PREX2: variants seen among roughly 807,000 people sequenced by gnomAD.
PREX2 encodes the protein phosphatidylinositol 3,4,5-trisphosphate-dependent Rac exchanger 2 protein.
A neutral mutation model predicts 203.2 loss-of-function variants in PREX2; 107 were observed. The ratio of observed to expected loss-of-function variants is 0.53; its 90% CI spans 0.45 to 0.62. The LOEUF (loss-of-function observed/expected upper bound fraction) is 0.62, where lower values mean the gene tolerates loss of function less well. Among genes scored for constraint, PREX2 ranks in the 20% least tolerant of loss-of-function variants. The probability of loss-of-function intolerance (pLI) is 0.00; values close to 1 mark genes in which losing one functional copy is unlikely to be tolerated. For synonymous variants in PREX2, 672 were observed against 663.6 expected (o/e 1.01, Z -0.19); for missense variants, 1,777 against 1,955.9 (o/e 0.91, Z 1.72).
intron 18 of PREX2, among the ~76,000 whole-genome samples, chr8:68,084,743 TAGG>T (rs1401119822): frequency 3.3e-5 from 5 of 152,294 alleles, no homozygotes; most frequent in Admixed American, 2.6e-4. Flanking sequence ...CAACTCTGTC[TAGG>T]AGAAGACTGT....
At chr8:68,090,941 A>T (rs950831824) in intron 20 of PREX2, among the ~76,000 whole-genome samples, 14 of 152,350 alleles carry the variant, frequency 9.2e-5, no homozygotes, top group African/African-American at 2.9e-4. Context: ...CTGTTTAAAA[A>T]GTGATCTGGG....
intron 37 of PREX2, among the ~76,000 whole-genome samples, chr8:68,207,035 A>C (rs942037764): frequency 1.3e-5 from 2 of 152,218 alleles, no homozygotes; most frequent in Non-Finnish European, 2.9e-5. Flanking sequence ...TTGAGGTTTC[A>C]AAAATGTTCT....
chr8:68,194,471 G>A (rs147000600), intron 37 of PREX2, among the ~76,000 whole-genome samples: 1 of 152,026 alleles, frequency 6.6e-6, no homozygotes, highest in African/African-American at 2.4e-5. Flanking sequence ...TTGTGATGGG[G>A]GATTTCATAA....
intron 1 of PREX2, among the ~76,000 whole-genome samples, chr8:68,008,350 TCAAATGGAAAAG>T (rs1223379297): frequency 6.6e-6 from 1 of 151,998 alleles, no homozygotes; most frequent in African/African-American, 2.4e-5. Flanking sequence ...AGAGTATGAG[TCAAATGGAAAAG>T]GAAAGGAAAC....
chr8:68,053,261 T>G lies in PREX2; in HGVS notation c.1093+15T>G. On this transcript the variant is annotated intron_variant, in intron 9 of 39. Coordinates refer to ENST00000288368, the MANE Select transcript of PREX2 (RefSeq NM_024870.4). ...ACGGCGGAAAGGTGGGTGTATGAAT[T>G]GGGCGCTGTTACACTTTGTGAAGAC... 1.9e-6 allele frequency: 3 copies of G among 1,612,774 alleles called. No individual in the cohort carries two copies. The highest frequency in any genetic ancestry group is 1.7e-6 in the Non-Finnish European group (2 of 1,179,140).
intron 1 of PREX2, among the ~76,000 whole-genome samples, chr8:67,988,978 C>T (rs1352805061): frequency 4.6e-5 from 7 of 152,110 alleles, no homozygotes; most frequent in African/African-American, 1.7e-4. Context: ...AAACCAAGCA[C>T]GTGTATTGGC....
At chr8:68,183,396 T>C (rs1375733448) in intron 35 of PREX2, among the ~76,000 whole-genome samples, 2 of 152,206 alleles carry the variant, frequency 1.3e-5, no homozygotes, top group Non-Finnish European at 2.9e-5. Flanking sequence ...TTGGCTTGAC[T>C]TTAATGTTTT....
chr8:68,185,324 C>T (rs1331011055), intron 35 of PREX2, among the ~76,000 whole-genome samples: 1 of 151,216 alleles, frequency 6.6e-6, no homozygotes, highest in African/African-American at 2.4e-5. Flanking sequence ...AGCCAGCCTT[C>T]TCTCTCTCTC....
At chr8:68,031,007 A>G (rs1429830794) in intron 6 of PREX2, among the ~76,000 whole-genome samples, 1 of 152,120 alleles carries the variant, frequency 6.6e-6, no homozygotes, top group African/African-American at 2.4e-5. Context: ...GAAGGGAAGG[A>G]AAGTTCAGTA....
At chr8:67,975,272 GTTTTTT>G (rs75276095) in intron 1 of PREX2, among the ~76,000 whole-genome samples, 3,730 of 96,806 alleles carry the variant, frequency 0.039, 213 homozygotes, top group East Asian at 0.065. Context: ...CACACGGCCT[GTTTTTT>G]TTTTTTTTTT....
intron 7 of PREX2, among the ~76,000 whole-genome samples, chr8:68,043,701 C>G (rs1353634632): frequency 1.3e-5 from 2 of 151,840 alleles, no homozygotes; most frequent in African/African-American, 4.8e-5. Context: ...TAGAATTTTT[C>G]CTGTTTAATT....
chr8:68,114,999 T>C (rs963585031), intron 25 of PREX2, among the ~76,000 whole-genome samples: 7 of 149,892 alleles, frequency 4.7e-5, no homozygotes, highest in African/African-American at 1.7e-4. Flanking sequence ...TCTGTTTTTC[T>C]TTTCTTTCTT....
At chr8:68,088,534 C>T (rs535832082) in intron 19 of PREX2, among the ~76,000 whole-genome samples, 25 of 152,256 alleles carry the variant, frequency 1.6e-4, no homozygotes, top group African/African-American at 6.0e-4. Context: ...TTGATGTGAT[C>T]ACCCAAAAAT....
rs1385665300 is a variant in PREX2 at position 68,134,259 on chromosome 8, C to T, written c.3967C>T (p.Leu1323Phe). Residue 1323 changes from leucine to phenylalanine, a missense_variant, in exon 32 of 40, where the codon CTT becomes TTT. Transcript: ENST00000288368. ...NAGVLFHFQS[L>F]LSPNLTDEQA... ...AGGTGTTCTTTTTCACTTTCAGTCA[C>T]TTCTGTCACCAAACTTGGTAAGGAA... 6.2e-7 allele frequency: 1 copy of T among 1,613,772 alleles called. No homozygotes were observed. The highest frequency in any genetic ancestry group is 8.5e-7 in the Non-Finnish European group (1 of 1,179,858).
chr8:68,120,907 CTG>C lies in PREX2; in HGVS notation c.3596-10_3596-9del. 1 of 1,608,686 alleles carries C rather than the reference CTG, an allele frequency of 6.2e-7. No individual in the cohort carries two copies. The highest frequency in any genetic ancestry group is 2.2e-5 in the East Asian group (1 of 44,798). On this transcript the variant is annotated splice_polypyrimidine_tract_variant and intron_variant, in intron 29 of 39. Transcript: ENST00000288368. ...TTATTTGAGACTTAAGAGAGATTTT[CTG>C]TGTTTATTTAGAATTTCAACAGGAA... is the stretch of plus-strand genomic sequence containing the variant.
intron 23 of PREX2, chr8:68,105,540 C>T: frequency 8.8e-7 from 1 of 1,139,642 alleles, no homozygotes. Flanking sequence ...ATTAACACTT[C>T]TTGACATCAC....
chr8:67,968,131 C>T (rs1213110396), intron 1 of PREX2, among the ~76,000 whole-genome samples: 2 of 151,674 alleles, frequency 1.3e-5, no homozygotes, highest in African/African-American at 4.8e-5. Context: ...GGTATTGTCT[C>T]TCTGATTGCC....
Position 67,999,478 on chromosome 8 carries a change from C to CAAAAAAAAAAAAAA in PREX2, c.142-18364_142-18351dup, listed in dbSNP as rs58916146. ...AATCAGTAATAAATAGCCAACAAAC[C>CAAAAAAAAAAAAAA]AAAAAAAAAAAAAAAAAGCCCAGAA... On this transcript the variant is annotated intron_variant, in intron 1 of 39. Coordinates refer to ENST00000288368, the MANE Select transcript of PREX2 (RefSeq NM_024870.4). Among the ~76,000 whole-genome samples, 7 of 92,090 alleles carry CAAAAAAAAAAAAAA rather than the reference C, an allele frequency of 7.6e-5. 1 individual carries two copies. The highest frequency in any genetic ancestry group is 3.3e-4 in the East Asian group (1 of 3,066). The allele number at this position is 92,090 out of a possible 152,430, so 60.4% of individuals were successfully genotyped here.
chr8:68,201,938 G>A (rs1426939506), intron 37 of PREX2, among the ~76,000 whole-genome samples: 4 of 127,268 alleles, frequency 3.1e-5, no homozygotes, highest in East Asian at 2.4e-4. Context: ...ATGGAGTCTC[G>A]CTCTGTCACC....
Sources: gnomAD v4.1 joint callset for allele counts (sites outside exome capture counted in the v4.1 genomes callset) on GRCh38, gnomAD v4.1.1 for gene constraint, MANE v1.5 for transcripts, NCBI Gene and HGNC (gene_info 2026-07-23, HGNC 2026-07-21) for gene names.